Variants in HLA-DQB2 observed in about 807,000 individuals in gnomAD.
HLA-DQB2 encodes major histocompatibility complex, class II, DQ beta 2.
A neutral mutation model predicts 29.2 loss-of-function variants in HLA-DQB2; 24 were observed. That is an observed-to-expected ratio of 0.82 (90% CI 0.60 to 1.16). The LOEUF is 1.16. HLA-DQB2 is among the 50% of genes most tolerant of loss of function. HLA-DQB2 has a pLI of 0.00. For synonymous variants in HLA-DQB2, 104 were observed against 133.1 expected, an observed-to-expected ratio of 0.78 and a Z score of 1.51; for missense variants, 273 against 343.6, an observed-to-expected ratio of 0.79 and a Z score of 1.62.
chr6:32,759,273 A>C, intron 2 of HLA-DQB2, 142 bp from the exon 3 acceptor site: 5 of 1,031,032 alleles, frequency 4.8e-6, no homozygotes, highest in Non-Finnish European at 6.9e-6. Flanking sequence ...TCCTTCAACA[A>C]ATATAAATTT....
At chr6:32,763,318 C>A in intron 1 of HLA-DQB2, 56 bp downstream of exon 1, 1 of 1,007,490 alleles carries the variant, frequency 9.9e-7, no homozygotes, top group Non-Finnish European at 1.5e-6. Flanking sequence ...TACTCCAACC[C>A]AAGGAGAGCC....
chr6:32,763,506 T>C lies in HLA-DQB2; in HGVS notation c.-36A>G, dbSNP rs1323400755. ...GTAAGTGAGACCAAGGAAAAAGCAG[T>C]GGTAGTCAACACAGCTCAAACCTAA... On this transcript the variant is annotated 5_prime_UTR_variant, in exon 1 of 6. Transcript: ENST00000437316. 1 of 1,389,030 alleles carries C rather than the reference T, an allele frequency of 7.2e-7. No homozygotes were observed. The highest frequency in any genetic ancestry group is 2.5e-5 in the East Asian group (1 of 40,434). 86.0% of individuals were successfully genotyped at this position (1,389,030 alleles called of 1,614,324 possible).
intron 4 of HLA-DQB2, among the ~76,000 whole-genome samples, chr6:32,757,567 C>G (rs1481023851): frequency 7.0e-6 from 1 of 143,478 alleles, no homozygotes; most frequent in Non-Finnish European, 1.5e-5. Flanking sequence ...GTAAGGACGC[C>G]CTGGAATAAG....
intron 2 of HLA-DQB2, among the ~76,000 whole-genome samples, chr6:32,760,563 C>T (rs115263321): frequency 0.01 from 1,591 of 152,250 alleles, 22 homozygotes; most frequent in Middle Eastern, 0.031. Flanking sequence ...AATAAGTGCT[C>T]ACTAAGTGGG....
intron 4 of HLA-DQB2, 27 bp downstream of exon 4, chr6:32,757,746 T>TC (rs9282287): frequency 0.54 from 823,401 of 1,518,740 alleles, 209,388 homozygotes; most frequent in East Asian, 0.69. Context: ...CAGCTCATCT[T>TC]CCCCATTTCC....
rs749832708 is a variant in HLA-DQB2, at chr6:32,758,917, C to A, written c.579G>T (p.Gln193His). ...CTTGGCAGGTGTAGATGTCTCCACG[C>A]TGGGGAGTTATTTCCAGCATCACCA... ...QILVMLEITP[Q>H]RGDIYTCQVE... Residue 193 changes from glutamine (Q) to histidine (H), a missense_variant, in exon 3 of 6, where the codon CAG (glutamine) becomes CAT (histidine). Physicochemically the swap from Gln to His is conservative, Grantham distance 24. Coordinates refer to ENST00000437316, the MANE Select transcript of HLA-DQB2 (RefSeq NM_001300790.2). 1.6e-5 allele frequency: 26 copies of A among 1,614,130 alleles called. No individual in the cohort carries two copies. In the South Asian group the frequency reaches 2.9e-4, roughly 18 times the overall value.
At position 32,756,377 on chromosome 6, in the gene HLA-DQB2, A is replaced by C. The variant is rs979993553; in HGVS notation, c.*76T>G. 4 of 905,270 alleles carry C rather than the reference A, an allele frequency of 4.4e-6. No individual in the cohort carries two copies. Among genetic ancestry groups the C allele is most frequent in the Non-Finnish European group, 7.3e-6 (4 of 550,524 alleles). The allele number at this position is 905,270 out of a possible 1,614,324, so 56.1% of individuals were successfully genotyped here. On this transcript the variant is annotated 3_prime_UTR_variant, in exon 6 of 6. Transcript: ENST00000437316. The stretch of plus-strand genomic sequence containing the variant: ...CTCAGTGGGACAGGGTGACACAGGC[A>C]GCTAGGAATTCTGGGCAGGGGCAGG...
intron 5 of HLA-DQB2, chr6:32,756,861 C>A: frequency 8.5e-7 from 1 of 1,180,516 alleles, no homozygotes; most frequent in East Asian, 4.3e-5. Flanking sequence ...TCTGTCCCCA[C>A]ATTTCACAAA....
chr6:32,759,765 A>G (rs1483761787), intron 2 of HLA-DQB2, among the ~76,000 whole-genome samples: 1 of 152,258 alleles, frequency 6.6e-6, no homozygotes, highest in Non-Finnish European at 1.5e-5. Flanking sequence ...ATCAGACATT[A>G]TCATGTACGT....
chr6:32,757,794 TG>T lies in HLA-DQB2; in HGVS notation c.735del (p.Ile246SerfsTer22). The T allele has an allele frequency of 6.2e-7, 1 of 1,613,410 alleles. No individual in the cohort carries two copies. Among genetic ancestry groups the T allele is most frequent in the African/African-American group, 1.3e-5 (1 of 74,984 alleles). On this transcript the variant is annotated frameshift_variant, in exon 4 of 6. Transcript: ENST00000437316. LOFTEE classifies it high-confidence loss of function. ...TCACCTTTCTGACCCCTGTGACGGA[TG>T]ATAAGGCCCAGCCCGAGGAAGATCA... ...LGLIFLGLGL[I>X]IRHRGQKGPR...
intron 2 of HLA-DQB2, 46 bp downstream of exon 2, chr6:32,761,614 G>C (rs774061455): frequency 3.3e-6 from 5 of 1,510,704 alleles, no homozygotes; most frequent in Admixed American, 2.0e-5. Context: ...CAAGAGACTC[G>C]GGCCCCGGCC....
chr6:32,762,999 C>T (rs1408808835), intron 1 of HLA-DQB2, among the ~76,000 whole-genome samples: 1 of 152,208 alleles, frequency 6.6e-6, no homozygotes, highest in Non-Finnish European at 1.5e-5. Flanking sequence ...ACTACAGACA[C>T]CATTGCTGCC....
At position 32,756,405 on chromosome 6, in the gene HLA-DQB2, G is replaced by A; in HGVS notation, c.*48C>T. On this transcript the variant is annotated 3_prime_UTR_variant, in exon 6 of 6. Coordinates refer to ENST00000437316, the MANE Select transcript of HLA-DQB2 (RefSeq NM_001300790.2). ...TAGGAATTCTGGGCAGGGGCAGGTG[G>A]GCATTACAGAAGAGTGATGACCAAT... 1.8e-6 allele frequency: 2 copies of A among 1,132,496 alleles called. No homozygotes were observed. The highest frequency in any genetic ancestry group is 1.3e-6 in the Non-Finnish European group (1 of 754,478). 70.2% of individuals were successfully genotyped at this position (1,132,496 alleles called of 1,614,324 possible). A position where few individuals can be genotyped will look rare whatever the true frequency, so the allele number is the denominator to read the frequency against.
intron 1 of HLA-DQB2, 67 bp downstream of exon 1, chr6:32,763,307 A>G: frequency 4.6e-6 from 4 of 865,700 alleles, no homozygotes; most frequent in Non-Finnish European, 3.8e-6. Context: ...ACCATCCCCC[A>G]TACTCCAACC....
Position 32,763,522 on chromosome 6 carries a change from T to C in HLA-DQB2, c.-52A>G. 1.7e-6 allele frequency: 2 copies of C among 1,145,938 alleles called. No individual in the cohort carries two copies. Among genetic ancestry groups the C allele is most frequent in the Non-Finnish European group, 2.6e-6 (2 of 776,832 alleles). The allele number at this position is 1,145,938 out of a possible 1,614,324, so 71.0% of individuals were successfully genotyped here. The stretch of plus-strand genomic sequence containing the variant: ...AAAAAGCAGTGGTAGTCAACACAGC[T>C]CAAACCTAATGGATCTTATGTACCT... On this transcript the variant is annotated 5_prime_UTR_variant, in exon 1 of 6. Transcript: ENST00000437316.
In HLA-DQB2 at chr6:32,757,781, C is replaced by T; in HGVS notation, c.749G>A (p.Gly250Asp). The change falls in exon 4 of 6, where the codon GGT (glycine) becomes GAT (aspartate). Residue 250 changes from glycine (G) to aspartate (D), a missense_variant. Gly to Asp is a moderately conservative substitution (Grantham distance 94, BLOSUM62 -1). Transcript: ENST00000437316. The part of the protein sequence containing the change: ...LGLGLIIRHR[G>D]QKGPRGPPPA... ...CCCCTTGGGTTCCTCACCTTTCTGA[C>T]CCCTGTGACGGATGATAAGGCCCAG... 3.7e-6 allele frequency: 6 copies of T among 1,612,306 alleles called. No homozygotes were observed. The highest frequency in any genetic ancestry group is 5.1e-6 in the Non-Finnish European group (6 of 1,179,346).
At chr6:32,757,055 T>C in intron 5 of HLA-DQB2, 3 of 1,403,942 alleles carry the variant, frequency 2.1e-6, no homozygotes, top group African/African-American at 1.5e-5. Context: ...ACTCTAGCTC[T>C]ATCGCCCAGA....
intron 4 of HLA-DQB2, 109 bp downstream of exon 4, chr6:32,757,664 A>ACTTCCAGCTCAGCTTT (rs1554209699): frequency 1.2e-6 from 1 of 821,676 alleles, no homozygotes; most frequent in Admixed American, 2.7e-5. Context: ...GTCTCCTCGC[A>ACTTCCAGCTCAGCTTT]CTTCCTCTCA....
At position 32,761,913 on chromosome 6, in the gene HLA-DQB2, G is replaced by C. The variant is rs1347459271; in HGVS notation, c.111C>G (p.Val37=). Residue 37 remains valine (V), a synonymous_variant, in exon 2 of 6, where the codon GTC becomes GTG. Coordinates refer to ENST00000437316, the MANE Select transcript of HLA-DQB2 (RefSeq NM_001300790.2). ...TGAAGTAGCACATGCCCTTAAACTG[G>C]ACCAAGAAATCCTCTGCGGAGAATC... ...EARDFPKDFL[V]QFKGMCYFTN... 1.9e-6 allele frequency: 3 copies of C among 1,611,324 alleles called. No homozygotes were observed. In the South Asian group the frequency reaches 3.3e-5, roughly 18 times the overall value.
Sources: gnomAD v4.1 joint callset for allele counts (sites outside exome capture counted in the v4.1 genomes callset) on GRCh38, gnomAD v4.1.1 for gene constraint, MANE v1.5 for transcripts, NCBI Gene and HGNC (gene_info 2026-07-23, HGNC 2026-07-21) for gene names.